The following DPYD variants were observed in gnomAD, a reference collection of about 807,000 sequenced individuals.
DPYD encodes dihydropyrimidine dehydrogenase.
DPYD carries 109 observed loss-of-function variants against 116.2 expected under a neutral mutation model. The observed-to-expected ratio is 0.94, with a 90% confidence interval of 0.80 to 1.10. DPYD has a LOEUF of 1.10. Among genes scored for constraint, DPYD ranks in the 50% least tolerant of loss-of-function variants. The probability of loss-of-function intolerance (pLI) is 0.00; values close to 1 mark genes in which losing one functional copy is unlikely to be tolerated. For missense variants in DPYD, 1,302 were observed against 1,254.5 expected (o/e 1.04, Z -0.57); for synonymous variants, 440 against 432.0 (o/e 1.02, Z -0.23).
chr1:97,569,996 C>T (rs1166758295), intron 11 of DPYD, among the ~76,000 whole-genome samples: 1 of 151,918 alleles, frequency 6.6e-6, no homozygotes, highest in Non-Finnish European at 1.5e-5. Context: ...AAACTCTTAT[C>T]CAAGTTTATT....
rs553942010 is a variant in DPYD at position 97,715,876 on chromosome 1, T to C, written c.483+5634A>G. Among the ~76,000 whole-genome samples, 148 of 152,198 alleles carry C rather than the reference T, an allele frequency of 9.7e-4. 2 individuals are homozygous for C. In the Middle Eastern group the frequency reaches 0.02, roughly 21 times the overall value. Reference sequence around the variant, plus strand: ...AGAGCACACCTGCAATACTCTATTGTTCATTAGAATACATATGTCTATGTT... The same window carrying C: ...AGAGCACACCTGCAATACTCTATTGCTCATTAGAATACATATGTCTATGTT... On this transcript the variant is annotated intron_variant, in intron 5 of 22. Coordinates refer to ENST00000370192, the MANE Select transcript of DPYD (RefSeq NM_000110.4).
chr1:97,468,796 G>A (rs1677471149), intron 13 of DPYD, among the ~76,000 whole-genome samples: 2 of 152,164 alleles, frequency 1.3e-5, no homozygotes, highest in Admixed American at 1.3e-4. Context: ...AGGGTGAGCT[G>A]AAACACCGTT....
chr1:97,145,095 G>A (rs192867323), intron 20 of DPYD, among the ~76,000 whole-genome samples: 4 of 152,222 alleles, frequency 2.6e-5, no homozygotes, highest in East Asian at 3.9e-4. Context: ...CTTGCTAAAC[G>A]TACTGCAGTG....
chr1:97,303,976 T>C (rs936786083), intron 18 of DPYD, among the ~76,000 whole-genome samples: 5 of 152,074 alleles, frequency 3.3e-5, no homozygotes, highest in Non-Finnish European at 5.9e-5. Flanking sequence ...TCTAATGCTG[T>C]AATTTTGTAG....
At chr1:97,302,279 T>A (rs952133064) in intron 18 of DPYD, among the ~76,000 whole-genome samples, 3 of 152,048 alleles carry the variant, frequency 2.0e-5, no homozygotes, top group Non-Finnish European at 4.4e-5. Flanking sequence ...CAGCCATCCT[T>A]GTTTGATAAA....
chr1:97,564,534 T>G (rs1254156382), intron 11 of DPYD, among the ~76,000 whole-genome samples: 1 of 152,184 alleles, frequency 6.6e-6, no homozygotes, highest in African/African-American at 2.4e-5. Context: ...TCCCAATGTC[T>G]GTTTTCAGTC....
intron 3 of DPYD, among the ~76,000 whole-genome samples, chr1:97,788,109 A>G (rs1017406248): frequency 6.6e-6 from 1 of 152,184 alleles, no homozygotes; most frequent in African/African-American, 2.4e-5. Context: ...TGCAACAGCA[A>G]TCCATGAGGT....
intron 3 of DPYD, among the ~76,000 whole-genome samples, chr1:97,775,201 T>C (rs1314306115): frequency 6.6e-6 from 1 of 152,212 alleles, no homozygotes; most frequent in Non-Finnish European, 1.5e-5. Flanking sequence ...ATAAATGGTA[T>C]ATTTTCTGAA....
At chr1:97,376,887 G>GTGTGTGTGTGTATATA in intron 15 of DPYD, among the ~76,000 whole-genome samples, 2 of 128,406 alleles carry the variant, frequency 1.6e-5, no homozygotes, top group African/African-American at 2.9e-5. Flanking sequence ...GTGTGTGTGT[G>GTGTGTGTGTGTATATA]TATATATATA....
chr1:97,193,160 T>G lies in DPYD; in HGVS notation c.2531A>C (p.Glu844Ala). ...LKALLYLKSI[E>A]ELQDWDGQSP... is the part of the protein sequence containing the mutation. ...CTGTCCATCCCAGTCTTGTAGTTCTTCAATGCTTTTCAGATAAAGCAGGGC... is the reference window on the plus strand; with the variant it reads ...CTGTCCATCCCAGTCTTGTAGTTCTGCAATGCTTTTCAGATAAAGCAGGGC... Residue 844 changes from glutamate (E) to alanine (A), a missense_variant, in exon 20 of 23, where the codon GAA becomes GCA. Glu to Ala is a moderately radical substitution (Grantham distance 107). Transcript: ENST00000370192. The G allele has an allele frequency of 6.2e-7, 1 of 1,614,052 alleles. No individual in the cohort carries two copies. The highest frequency in any genetic ancestry group is 8.5e-7 in the Non-Finnish European group (1 of 1,179,964).
intron 16 of DPYD, among the ~76,000 whole-genome samples, chr1:97,315,350 G>A (rs971395436): frequency 6.6e-6 from 1 of 151,854 alleles, no homozygotes; most frequent in Non-Finnish European, 1.5e-5. Context: ...GCTATTTCCG[G>A]TGAATGTGGG....
intron 13 of DPYD, among the ~76,000 whole-genome samples, chr1:97,507,488 C>G (rs1647429132): frequency 6.6e-6 from 1 of 151,840 alleles, no homozygotes; most frequent in African/African-American, 2.4e-5. Context: ...TAGATAAACT[C>G]TTAATAATAA....
At chr1:97,352,007 T>A (rs1465032028) in intron 16 of DPYD, among the ~76,000 whole-genome samples, 1 of 152,200 alleles carries the variant, frequency 6.6e-6, no homozygotes, top group African/African-American at 2.4e-5. Context: ...TTATTTCATT[T>A]TGAGTGTGAC....
At chr1:97,314,729 A>T (rs888081224) in intron 16 of DPYD, among the ~76,000 whole-genome samples, 2 of 151,930 alleles carry the variant, frequency 1.3e-5, no homozygotes, top group Admixed American at 1.3e-4. Context: ...CTATGGAATC[A>T]GATTCAGATT....
intron 13 of DPYD, among the ~76,000 whole-genome samples, chr1:97,463,511 G>T (rs1677135628): frequency 6.6e-6 from 1 of 152,296 alleles, no homozygotes; most frequent in East Asian, 1.9e-4. Flanking sequence ...TACCAGTAGA[G>T]TGGGGTGCTG....
intron 10 of DPYD, among the ~76,000 whole-genome samples, chr1:97,576,655 G>C (rs1451049036): frequency 6.6e-6 from 1 of 152,146 alleles, no homozygotes. Context: ...TGAGGACCTT[G>C]TATAACCATA....
chr1:97,798,004 C>T (rs891130511), intron 3 of DPYD: 1 of 152,052 alleles, frequency 6.6e-6, no homozygotes, highest in South Asian at 2.1e-4. Flanking sequence ...GGGAACATAA[C>T]GTTCTGACAA....
In DPYD at chr1:97,515,936, T is replaced by C; in HGVS notation, c.1530A>G (p.Gln510=). The C allele has an allele frequency of 1.2e-6, 2 of 1,612,240 alleles. No homozygotes were observed. Among genetic ancestry groups the C allele is most frequent in the Non-Finnish European group, 1.7e-6 (2 of 1,178,858 alleles). Residue 510 remains glutamine, a synonymous_variant, in exon 13 of 23, where the codon CAA becomes CAG. Coordinates refer to ENST00000370192, the MANE Select transcript of DPYD (RefSeq NM_000110.4). ...GCTTGGCAGAAACGGAAGCTCCATATTGTGACTGCAAAATACAAACCAATA... is the reference window on the plus strand; with the variant it reads ...GCTTGGCAGAAACGGAAGCTCCATACTGTGACTGCAAAATACAAACCAATA... ...SWYIHKYVQS[Q]YGASVSAKPE...
At chr1:97,216,523 GT>G (rs1660406846) in intron 19 of DPYD, among the ~76,000 whole-genome samples, 1 of 152,198 alleles carries the variant, frequency 6.6e-6, no homozygotes, top group Non-Finnish European at 1.5e-5. Context: ...GCGGGGCACA[GT>G]GGCTCACACC....
Sources: allele counts gnomAD v4.1 joint callset (sites outside exome capture counted in the v4.1 genomes callset), GRCh38; gene constraint gnomAD v4.1.1; transcripts MANE v1.5; gene names NCBI Gene and HGNC (gene_info 2026-07-23, HGNC 2026-07-21).